The following SAMD13 variants were observed in gnomAD, a reference collection of about 807,000 sequenced individuals.
SAMD13 encodes sterile alpha motif domain-containing protein 13.
A neutral mutation model predicts 12.4 loss-of-function variants in SAMD13; 9 were observed. The ratio of observed to expected loss-of-function variants is 0.72; its 90% confidence interval spans 0.44 to 1.26. The LOEUF is 1.26. SAMD13 is among the 50% of genes most tolerant of loss of function. The pLI, the probability that SAMD13 is intolerant of heterozygous loss-of-function variation, is 0.00. For missense variants in SAMD13, 84 were observed against 119.6 expected (o/e 0.70, Z 1.39); for synonymous variants, 46 against 45.4 (o/e 1.01, Z -0.05).
intron 2 of SAMD13, among the ~76,000 whole-genome samples, chr1:84,315,020 TTCTCTTTCTTTCTC>T (rs1233955713): frequency 6.7e-6 from 1 of 149,006 alleles, no homozygotes; most frequent in African/African-American, 2.5e-5. Context: ...CTCTCTTTCT[TTCTCTTTCTTTCTC>T]TCTCTTTGTT....
chr1:84,346,895 A>C (rs1363920299), intron 3 of SAMD13, among the ~76,000 whole-genome samples: 1 of 152,064 alleles, frequency 6.6e-6, no homozygotes, highest in Non-Finnish European at 1.5e-5. Context: ...AGGGGAGCAC[A>C]CTGGCAGAAA....
chr1:84,349,622 C>G lies in SAMD13; in HGVS notation c.166-9C>G. 2 of 1,610,980 alleles carry G rather than the reference C, an allele frequency of 1.2e-6. No individual in the cohort carries two copies. Among genetic ancestry groups the G allele is most frequent in the Non-Finnish European group, 1.7e-6 (2 of 1,178,018 alleles). On this transcript the variant is annotated splice_polypyrimidine_tract_variant and intron_variant, in intron 3 of 3. Transcript: ENST00000394834. ...CACATGTTGGCTTTACCTTCTGCTT[C>G]CATTATAGGAAATTGATGGAAAATC...
chr1:84,310,356 G>A (rs1176632562), intron 2 of SAMD13, among the ~76,000 whole-genome samples: 1 of 150,910 alleles, frequency 6.6e-6, no homozygotes, highest in Non-Finnish European at 1.5e-5. Flanking sequence ...AACAATAGCT[G>A]ATGAGAAAAA....
chr1:84,333,938 T>G (rs1168651636), intron 3 of SAMD13, among the ~76,000 whole-genome samples: 3 of 152,196 alleles, frequency 2.0e-5, no homozygotes, highest in Non-Finnish European at 4.4e-5. Flanking sequence ...TTTGATATGC[T>G]GCTGGATTCA....
At chr1:84,303,323 A>G (rs781721745) in intron 2 of SAMD13, 36 bp downstream of exon 2, 34 of 1,508,236 alleles carry the variant, frequency 2.3e-5, no homozygotes, top group Non-Finnish European at 3.1e-5. Flanking sequence ...TGCTTCTGCA[A>G]ACAACAGAGG....
intron 3 of SAMD13, 85 bp from the exon 4 acceptor site, chr1:84,349,546 C>CTTCCTTTTGTCTTCA: frequency 1.3e-6 from 2 of 1,528,814 alleles, no homozygotes; most frequent in South Asian, 2.6e-5. Flanking sequence ...AGTGGTGTGA[C>CTTCCTTTTGTCTTCA]TTTTACCTCT....
chr1:84,349,532 C>A, intron 3 of SAMD13, 99 bp from the exon 4 acceptor site: 1 of 1,504,074 alleles, frequency 6.6e-7, no homozygotes. Context: ...TTAGCTTGGG[C>A]ACAAGTGGTG....
intron 2 of SAMD13, among the ~76,000 whole-genome samples, chr1:84,305,932 T>G (rs1678560298): frequency 6.6e-6 from 1 of 152,218 alleles, no homozygotes; most frequent in South Asian, 2.1e-4. Flanking sequence ...CCAACTTTGT[T>G]TTTTTCAAGG....
intron 3 of SAMD13, among the ~76,000 whole-genome samples, chr1:84,337,997 C>A (rs1679339061): frequency 6.6e-6 from 1 of 152,306 alleles, no homozygotes; most frequent in East Asian, 1.9e-4. Flanking sequence ...TAGTTCCCAA[C>A]AAGTTCCTCA....
chr1:84,347,147 T>A (rs561924116), intron 3 of SAMD13, among the ~76,000 whole-genome samples: 14 of 152,326 alleles, frequency 9.2e-5, no homozygotes, highest in Admixed American at 9.2e-4. Flanking sequence ...GAGACAGGAT[T>A]CAGATTGCGG....
In SAMD13 at chr1:84,325,703, C is replaced by A. The variant is rs1337133390; in HGVS notation, c.120C>A (p.Phe40Leu). Reference protein sequence around the residue: ...DWAVMDVVNYFRTVGFEEQAS... With the variant: ...DWAVMDVVNYLRTVGFEEQAS... ...CCGTGATGGATGTCGTCAATTATTT[C>A]CGAACCGTGGGATTTGAGGAGCAAG... Residue 40 changes from phenylalanine (F) to leucine (L), a missense_variant, in exon 3 of 4, where the codon TTC (phenylalanine) becomes TTA (leucine). Coordinates refer to ENST00000394834, the MANE Select transcript of SAMD13 (RefSeq NM_001134663.2). 1 of 1,613,374 alleles carries A rather than the reference C, an allele frequency of 6.2e-7. No individual in the cohort carries two copies. The highest frequency in any genetic ancestry group is 8.5e-7 in the Non-Finnish European group (1 of 1,179,600).
intron 2 of SAMD13, among the ~76,000 whole-genome samples, chr1:84,325,167 A>G (rs1400427658): frequency 6.6e-6 from 1 of 152,174 alleles, no homozygotes; most frequent in African/African-American, 2.4e-5. Context: ...TTGTATTGGT[A>G]GAAATGGTAG....
At position 84,350,716 on chromosome 1, in the gene SAMD13, A is replaced by G. The variant is rs1679632029; in HGVS notation, c.*942A>G. ...AGTGGGCTTGCTACATCTCTGTTCA[A>G]AGAGACATTTGTTCAATCTCTGTGT... On this transcript the variant is annotated 3_prime_UTR_variant, in exon 4 of 4. Transcript: ENST00000394834. The G allele has an allele frequency of 6.6e-6, 1 of 152,504 alleles. No individual in the cohort carries two copies. The highest frequency in any genetic ancestry group is 2.4e-5 in the African/African-American group (1 of 41,396). 9.4% of individuals were successfully genotyped at this position (152,504 alleles called of 1,614,324 possible).
chr1:84,336,800 G>A (rs1259595197), intron 3 of SAMD13, among the ~76,000 whole-genome samples: 1 of 152,156 alleles, frequency 6.6e-6, no homozygotes, highest in African/African-American at 2.4e-5. Context: ...TCCAAGACAA[G>A]GCAAGTCTCT....
chr1:84,329,136 CTCTTAT>C (rs1037443159), intron 3 of SAMD13, among the ~76,000 whole-genome samples: 1 of 152,022 alleles, frequency 6.6e-6, no homozygotes, highest in Non-Finnish European at 1.5e-5. Context: ...GAGATCAATG[CTCTTAT>C]AAGAAGAGAA....
intron 3 of SAMD13, among the ~76,000 whole-genome samples, chr1:84,341,986 C>A (rs992562040): frequency 6.6e-6 from 1 of 152,144 alleles, no homozygotes; most frequent in African/African-American, 2.4e-5. Flanking sequence ...CACTGTCATT[C>A]AAAGACCCAG....
chr1:84,334,147 A>C (rs592464), intron 3 of SAMD13, among the ~76,000 whole-genome samples: 147,031 of 152,178 alleles, frequency 0.97, 71,136 homozygotes, highest in Non-Finnish European at 1. Flanking sequence ...CTTCTTTATA[A>C]ATCTGGTAGA....
At chr1:84,314,232 A>G (rs1490380630) in intron 2 of SAMD13, among the ~76,000 whole-genome samples, 1 of 152,192 alleles carries the variant, frequency 6.6e-6, no homozygotes, top group South Asian at 2.1e-4. Context: ...ATACATGTAC[A>G]GCAATCTACA....
upstream of SAMD13, among the ~76,000 whole-genome samples, chr1:84,301,015 T>C (rs2101782666): frequency 1.3e-5 from 2 of 152,358 alleles, no homozygotes; most frequent in Middle Eastern, 6.8e-3. Flanking sequence ...GTTTTCGTTT[T>C]GTAGAATAAG....
Sources: allele counts gnomAD v4.1 joint callset (sites outside exome capture counted in the v4.1 genomes callset), GRCh38; gene constraint gnomAD v4.1.1; transcripts MANE v1.5; gene names NCBI Gene and HGNC (gene_info 2026-07-23, HGNC 2026-07-21).